Variants in TMEM132D observed in about 807,000 individuals in gnomAD.
TMEM132D encodes mature OL transmembrane protein.
TMEM132D carries 21 observed loss-of-function variants against 62.3 expected under a neutral mutation model. The observed-to-expected ratio is 0.34, with a 90% CI of 0.24 to 0.49. The LOEUF (loss-of-function observed/expected upper bound fraction) is 0.49. Among genes scored for constraint, TMEM132D ranks in the 20% least tolerant of loss-of-function variants. The pLI is 0.99. For missense variants in TMEM132D, 1,346 were observed against 1,402.8 expected (o/e 0.96, Z 0.65); for synonymous variants, 621 against 575.6 (o/e 1.08, Z -1.13).
At chr12:129,218,983 T>A (rs376092283) in intron 4 of TMEM132D, among the ~76,000 whole-genome samples, 122 of 152,292 alleles carry the variant, frequency 8.0e-4, no homozygotes, top group African/African-American at 2.8e-3. Context: ...CCTGCATTCC[T>A]GGGGTTACAG....
At chr12:129,444,198 C>T (rs941838810) in intron 3 of TMEM132D, among the ~76,000 whole-genome samples, 1 of 152,072 alleles carries the variant, frequency 6.6e-6, no homozygotes, top group Non-Finnish European at 1.5e-5. Flanking sequence ...GACATAGGCA[C>T]AGCAAAGATT....
At chr12:129,403,772 G>C (rs1593366500) in intron 3 of TMEM132D, among the ~76,000 whole-genome samples, 1 of 152,146 alleles carries the variant, frequency 6.6e-6, no homozygotes. Flanking sequence ...GTATGAAGAA[G>C]AAAGGGAATA....
chr12:129,588,047 T>A (rs949220746), intron 2 of TMEM132D, among the ~76,000 whole-genome samples: 29 of 152,338 alleles, frequency 1.9e-4, no homozygotes, highest in African/African-American at 6.7e-4. Context: ...ACTCCTTGGC[T>A]GGTGGCCCCA....
intron 4 of TMEM132D, among the ~76,000 whole-genome samples, chr12:129,330,676 G>T (rs1384412991): frequency 1.3e-5 from 2 of 152,178 alleles, no homozygotes; most frequent in African/African-American, 4.8e-5. Context: ...TCTACCTCGG[G>T]ACTCTGCAGA....
At chr12:129,308,387 G>A (rs922735089) in intron 4 of TMEM132D, among the ~76,000 whole-genome samples, 3 of 152,120 alleles carry the variant, frequency 2.0e-5, no homozygotes, top group South Asian at 2.1e-4. Flanking sequence ...ACTCTACAAA[G>A]GATTTTTTGA....
chr12:129,286,361 C>T (rs1881296705), intron 4 of TMEM132D, among the ~76,000 whole-genome samples: 1 of 152,148 alleles, frequency 6.6e-6, no homozygotes, highest in Non-Finnish European at 1.5e-5. Context: ...TATAGTTCAG[C>T]TGAGATATTT....
chr12:129,370,971 G>T (rs1870578077), intron 3 of TMEM132D, among the ~76,000 whole-genome samples: 2 of 152,024 alleles, frequency 1.3e-5, no homozygotes, highest in African/African-American at 4.8e-5. Flanking sequence ...TAGTACAATA[G>T]AAAAATTATA....
intron 5 of TMEM132D, among the ~76,000 whole-genome samples, chr12:129,158,712 GAA>G (rs34570451): frequency 6.6e-6 from 1 of 151,938 alleles, no homozygotes; most frequent in South Asian, 2.1e-4. Context: ...GGGAATTTCA[GAA>G]AAAAAGAGTC....
At chr12:129,197,556 T>G (rs1878582769) in intron 5 of TMEM132D, among the ~76,000 whole-genome samples, 1 of 152,316 alleles carries the variant, frequency 6.6e-6, no homozygotes, top group Non-Finnish European at 1.5e-5. Context: ...GGACAGTCTC[T>G]TCGATAAATG....
At chr12:129,839,416 G>A (rs1042013804) in intron 1 of TMEM132D, among the ~76,000 whole-genome samples, 9 of 151,506 alleles carry the variant, frequency 5.9e-5, no homozygotes, top group African/African-American at 9.7e-5. Flanking sequence ...GTGAGCCACC[G>A]TACCCGGCCC....
At chr12:129,578,870 G>A (rs1877761301) in intron 2 of TMEM132D, among the ~76,000 whole-genome samples, 1 of 152,208 alleles carries the variant, frequency 6.6e-6, no homozygotes, top group South Asian at 2.1e-4. Flanking sequence ...TTGCTGACAG[G>A]AGATCTCTAC....
At position 129,779,282 on chromosome 12, in the gene TMEM132D, T is replaced by C. The variant is rs918195826; in HGVS notation, c.80-78584A>G. Among the ~76,000 whole-genome samples the C allele has an allele frequency of 6.6e-6, 1 of 152,196 alleles. No homozygotes were observed. The highest frequency in any genetic ancestry group is 1.5e-5 in the Non-Finnish European group (1 of 68,018). On this transcript the variant is annotated intron_variant, in intron 1 of 8. Coordinates refer to ENST00000422113, the MANE Select transcript of TMEM132D (RefSeq NM_133448.3). The surrounding 1 kb of genome is among the most constrained non-coding windows in gnomAD (Gnocchi z 4.1). ...ATGAAGCTTTTATTCCAGCTGGCCA[T>C]GTGCTCAGTGATTTTTGTTTGTTTG...
chr12:129,770,193 G>C (rs919752496), intron 1 of TMEM132D, among the ~76,000 whole-genome samples: 3 of 132,880 alleles, frequency 2.3e-5, no homozygotes, highest in African/African-American at 8.5e-5. Context: ...ACTCAGGCTG[G>C]AGTGCAGTGG....
intron 2 of TMEM132D, among the ~76,000 whole-genome samples, chr12:129,676,417 A>G (rs1340029296): frequency 6.6e-6 from 1 of 152,158 alleles, no homozygotes. Flanking sequence ...CGTTGCTATA[A>G]AGGAATACCT....
chr12:129,258,201 G>A (rs1880459297), intron 4 of TMEM132D, among the ~76,000 whole-genome samples: 1 of 152,134 alleles, frequency 6.6e-6, no homozygotes, highest in African/African-American at 2.4e-5. Flanking sequence ...AAGCTGGGCT[G>A]GTTCCCACTT....
chr12:129,166,398 T>A (rs969129639), intron 5 of TMEM132D, among the ~76,000 whole-genome samples: 4 of 152,172 alleles, frequency 2.6e-5, no homozygotes, highest in Non-Finnish European at 4.4e-5. Flanking sequence ...GTATGTTTCA[T>A]CTCCGGCTAC....
chr12:129,357,454 A>G (rs985201713), intron 3 of TMEM132D, among the ~76,000 whole-genome samples: 2 of 151,344 alleles, frequency 1.3e-5, no homozygotes, highest in African/African-American at 4.9e-5. Flanking sequence ...AGAAAAAGCG[A>G]GCGAGCAAGC....
intron 5 of TMEM132D, chr12:129,113,002 T>C (rs1255512943): frequency 6.6e-6 from 1 of 152,246 alleles, no homozygotes; most frequent in Non-Finnish European, 1.5e-5. Flanking sequence ...GCTGTAATGA[T>C]GTATTAATTG....
chr12:129,399,056 A>G (rs1871520822), intron 3 of TMEM132D, among the ~76,000 whole-genome samples: 1 of 151,428 alleles, frequency 6.6e-6, no homozygotes, highest in South Asian at 2.1e-4. Context: ...GTGGAAGGGC[A>G]AAGGAGCACA....
Sources: gnomAD v4.1 joint callset for allele counts (sites outside exome capture counted in the v4.1 genomes callset) on GRCh38, gnomAD v4.1.1 for gene constraint, Gnocchi (gnomAD v3.1) non-coding constraint, MANE v1.5 for transcripts, NCBI Gene and HGNC (gene_info 2026-07-23, HGNC 2026-07-21) for gene names.